The following ITGA1 variants were observed in gnomAD, a reference collection of about 807,000 sequenced individuals.
ITGA1 encodes the protein integrin alpha-1.
Under a neutral mutation model 145.9 loss-of-function variants are expected in ITGA1, and 85 were observed. The ratio of observed to expected loss-of-function variants is 0.58; its 90% CI spans 0.49 to 0.70. The LOEUF is 0.70. ITGA1 is among the 30% of genes least tolerant of loss of function. The pLI is 0.00. For synonymous variants in ITGA1, 520 were observed against 495.3 expected, an observed-to-expected ratio of 1.05 and a Z score of -0.66; for missense variants, 1,351 against 1,418.7, an observed-to-expected ratio of 0.95 and a Z score of 0.77.
chr5:52,912,031 CTA>C (rs1750558812), intron 14 of ITGA1, among the ~76,000 whole-genome samples: 3 of 122,732 alleles, frequency 2.4e-5, no homozygotes, highest in Non-Finnish European at 1.7e-5. Context: ...TAGTGTGTAT[CTA>C]CTATATATAC....
intron 14 of ITGA1, among the ~76,000 whole-genome samples, chr5:52,911,462 T>C (rs1750527710): frequency 7.5e-6 from 1 of 132,754 alleles, no homozygotes; most frequent in Non-Finnish European, 1.6e-5. Flanking sequence ...ATATATAGTG[T>C]ATCTAGTATA....
In ITGA1 at chr5:52,810,077, C is replaced by G. The variant is rs1163952130; in HGVS notation, c.61+21663C>G. Among the ~76,000 whole-genome samples the G allele has an allele frequency of 2.0e-5, 3 of 152,202 alleles. No homozygotes were observed. The East Asian group carries it at 5.8e-4, about 29-fold the overall frequency. ...CATTTCTTACATGACTAAGCACTGA[C>G]TGGTTAAACCAGAAAAGGAAGCTTA... On this transcript the variant is annotated intron_variant, in intron 1 of 28. Coordinates refer to ENST00000282588, the MANE Select transcript of ITGA1 (RefSeq NM_181501.2).
Position 52,927,012 on chromosome 5 carries a change from C to T in ITGA1, c.2614-572C>T, listed in dbSNP as rs71633444. On this transcript the variant is annotated intron_variant, in intron 19 of 28. Transcript: ENST00000282588. ...TATTTACGTGGCAGTGTTATTTTTACTTCTTATGGGTATGTAAAAATAATG... is the reference window on the plus strand; with the variant it reads ...TATTTACGTGGCAGTGTTATTTTTATTTCTTATGGGTATGTAAAAATAATG... 3.1e-3 allele frequency among the ~76,000 whole-genome samples: 478 copies of T among 152,084 alleles called. 2 individuals carry two copies. The highest frequency in any genetic ancestry group is 0.027 in the Middle Eastern group (8 of 294).
chr5:52,864,822 T>C lies in ITGA1; in HGVS notation c.355T>C (p.Leu119=). The C allele has an allele frequency of 6.2e-7, 1 of 1,612,122 alleles. No homozygotes were observed. Among genetic ancestry groups the C allele is most frequent in the African/African-American group, 1.3e-5 (1 of 74,980 alleles). Residue 119 remains leucine, a synonymous_variant, in exon 4 of 29, where the codon TTA becomes CTA. Transcript: ENST00000282588. ...VKENMTFGST[L]VTNPNGGFLA... ...GGAGAACATGACATTTGGATCAACT[T>C]TAGTCACCAACCCAAATGGAGGATT...
chr5:52,914,504 C>T (rs903247810), intron 14 of ITGA1, among the ~76,000 whole-genome samples: 12 of 151,700 alleles, frequency 7.9e-5, no homozygotes, highest in Admixed American at 1.3e-4. Context: ...GGCATGGTGG[C>T]GCGCACCTGT....
intron 1 of ITGA1, among the ~76,000 whole-genome samples, chr5:52,839,798 A>G (rs1749224543): frequency 6.6e-6 from 1 of 152,208 alleles, no homozygotes; most frequent in African/African-American, 2.4e-5. Context: ...CACTGGAATT[A>G]TTAAACATAT....
intron 1 of ITGA1, among the ~76,000 whole-genome samples, chr5:52,833,896 G>A (rs1395097823): frequency 6.6e-6 from 1 of 152,134 alleles, no homozygotes; most frequent in East Asian, 1.9e-4. Flanking sequence ...AAGTAGTATA[G>A]AATTGCAAAC....
At chr5:52,800,195 G>A in intron 1 of ITGA1, 1 of 599,436 alleles carries the variant, frequency 1.7e-6, no homozygotes, top group South Asian at 2.0e-5. Context: ...CGCGCCGGGA[G>A]ACTGAGAGAG....
chr5:52,881,751 G>A, intron 6 of ITGA1, 122 bp from the exon 7 acceptor site: 1 of 759,826 alleles, frequency 1.3e-6, no homozygotes, highest in Non-Finnish European at 2.1e-6. Flanking sequence ...AGAAGCATTT[G>A]TGTACTGATA....
At chr5:52,914,592 C>G (rs536755920) in intron 14 of ITGA1, among the ~76,000 whole-genome samples, 1 of 128,530 alleles carries the variant, frequency 7.8e-6, no homozygotes, top group African/African-American at 2.6e-5. Flanking sequence ...GCCGAGATAG[C>G]GTCTCAAAAA....
At chr5:52,849,866 A>T (rs976605421) in intron 2 of ITGA1, among the ~76,000 whole-genome samples, 1 of 152,154 alleles carries the variant, frequency 6.6e-6, no homozygotes, top group South Asian at 2.1e-4. Context: ...GGTGCTCTGA[A>T]AGGGTTTAAC....
chr5:52,915,826 T>C (rs1225767307), intron 15 of ITGA1, among the ~76,000 whole-genome samples: 1 of 152,220 alleles, frequency 6.6e-6, no homozygotes, highest in Non-Finnish European at 1.5e-5. Flanking sequence ...TTATGTGGTT[T>C]ACACTAAAAT....
intron 18 of ITGA1, among the ~76,000 whole-genome samples, chr5:52,924,397 G>A (rs1341994045): frequency 6.6e-6 from 1 of 152,200 alleles, no homozygotes; most frequent in Non-Finnish European, 1.5e-5. Flanking sequence ...GGGGAGCAGA[G>A]GGGATGCTAA....
At chr5:52,891,375 A>G (rs1750145940) in intron 8 of ITGA1, among the ~76,000 whole-genome samples, 1 of 151,158 alleles carries the variant, frequency 6.6e-6, no homozygotes, top group Non-Finnish European at 1.5e-5. Context: ...AAAACTGTAT[A>G]GTATGTACTG....
intron 1 of ITGA1, among the ~76,000 whole-genome samples, chr5:52,834,357 C>T (rs1012146296): frequency 1.3e-5 from 2 of 152,060 alleles, no homozygotes; most frequent in Admixed American, 1.3e-4. Context: ...ATGAGGCTTC[C>T]CTTCCTGTCT....
chr5:52,808,676 C>CTTTTTTTTTTTTTTTTTTT (rs60113844), intron 1 of ITGA1, among the ~76,000 whole-genome samples: 59 of 69,340 alleles, frequency 8.5e-4, no homozygotes, highest in South Asian at 1.1e-3. Flanking sequence ...TTCTTTCTTT[C>CTTTTTTTTTTTTTTTTTTT]TTTTTTTTTT....
At chr5:52,850,334 G>A (rs927254335) in intron 2 of ITGA1, among the ~76,000 whole-genome samples, 1 of 152,066 alleles carries the variant, frequency 6.6e-6, no homozygotes, top group African/African-American at 2.4e-5. Flanking sequence ...TTAACTTGTT[G>A]AAAATTATAT....
chr5:52,892,031 G>A (rs1750159643), intron 8 of ITGA1, among the ~76,000 whole-genome samples: 2 of 151,544 alleles, frequency 1.3e-5, no homozygotes, highest in Admixed American at 6.6e-5. Flanking sequence ...AGATGACACT[G>A]TTGAGAATAT....
chr5:52,951,019 C>T (rs993199859), intron 28 of ITGA1, among the ~76,000 whole-genome samples: 3 of 152,012 alleles, frequency 2.0e-5, no homozygotes, highest in Admixed American at 6.6e-5. Context: ...GTATTTGTTC[C>T]GTTACCGCCT....
Sources: allele counts gnomAD v4.1 joint callset (sites outside exome capture counted in the v4.1 genomes callset), GRCh38; gene constraint gnomAD v4.1.1; transcripts MANE v1.5; gene names NCBI Gene and HGNC (gene_info 2026-07-23, HGNC 2026-07-21).